The following TELO2 variants were observed in gnomAD, a reference collection of about 807,000 sequenced individuals.
The protein encoded by TELO2 is telomere maintenance 2, also known as telomere length regulation protein TEL2 homolog.
A neutral mutation model predicts 91.0 loss-of-function variants in TELO2; 71 were observed. That is an observed-to-expected ratio of 0.78 (90% CI 0.64 to 0.95). The LOEUF (loss-of-function observed/expected upper bound fraction) is 0.95, where lower values mean the gene tolerates loss of function less well. Among genes scored for constraint, TELO2 ranks in the 40% least tolerant of loss-of-function variants. The probability of loss-of-function intolerance (pLI) is 0.00; values close to 1 mark genes in which losing one functional copy is unlikely to be tolerated. For missense variants in TELO2, 1,183 were observed against 1,141.3 expected, an observed-to-expected ratio of 1.04 and a Z score of -0.53; for synonymous variants, 584 against 518.9, an observed-to-expected ratio of 1.13 and a Z score of -1.71.
chr16:1,502,989 T>G lies in TELO2; in HGVS notation c.1829T>G (p.Met610Arg). Residue 610 changes from methionine (M) to arginine (R), a missense_variant, in exon 15 of 21, where the codon ATG becomes AGG. By Grantham distance (91) the Met-to-Arg change is moderately conservative. Coordinates refer to ENST00000262319, the MANE Select transcript of TELO2 (RefSeq NM_016111.4). ...YALNYSLRQR[M>R]DILDVLTLAA... is the part of the protein sequence containing the mutation. ...CTCAACTACAGCCTCCGGCAGCGCA[T>G]GGACATCCTGGATGTAAGTGCCTCC... 2 of 1,610,718 alleles carry G rather than the reference T, an allele frequency of 1.2e-6. No homozygotes were observed. The highest frequency in any genetic ancestry group is 1.7e-6 in the Non-Finnish European group (2 of 1,179,990).
chr16:1,500,520 C>T (rs746078628), intron 8 of TELO2, 32 bp downstream of exon 8: 29 of 1,609,390 alleles, frequency 1.8e-5, no homozygotes, highest in Non-Finnish European at 2.1e-5. Flanking sequence ...CCCCCGGCCT[C>T]GGGCGCCCCG....
chr16:1,497,328 C>G lies in TELO2; in HGVS notation c.683-33C>G. On this transcript the variant is annotated intron_variant, in intron 4 of 20. Coordinates refer to ENST00000262319, the MANE Select transcript of TELO2 (RefSeq NM_016111.4). The surrounding 1 kb of genome is among the most constrained non-coding windows in gnomAD (Gnocchi z 4.0). The stretch of plus-strand genomic sequence containing the variant: ...CCCCAGACACCAGGTGGGTGCAGCT[C>G]CCCAGGCTCAGGTCCTCCGTCTGTC... 1 of 1,520,794 alleles carries G rather than the reference C, an allele frequency of 6.6e-7. No homozygotes were observed. The highest frequency in any genetic ancestry group is 8.9e-7 in the Non-Finnish European group (1 of 1,129,238). 94.2% of individuals were successfully genotyped at this position (1,520,794 alleles called of 1,614,324 possible).
chr16:1,495,373 G>A lies in TELO2; in HGVS notation c.363G>A (p.Ala121=), dbSNP rs746430058. ...CCAGCTTCCGGCTGATGAAGATGGC[G>A]CGGCTGCTGGCCAGATTCCTGCGCG... ...AGPSFRLMKM[A]RLLARFLREG... The change falls in exon 3 of 21, where the codon GCG becomes GCA. Residue 121 remains alanine, a synonymous_variant. Transcript: ENST00000262319. 3.7e-5 allele frequency: 57 copies of A among 1,560,494 alleles called. No individual in the cohort carries two copies. The highest frequency in any genetic ancestry group is 4.8e-5 in the East Asian group (2 of 41,714).
rs2039391586 is a variant in TELO2 at position 1,494,019 on chromosome 16, C to T, written c.-36-227C>T. Among the ~76,000 whole-genome samples, 1 of 152,192 alleles carries T rather than the reference C, an allele frequency of 6.6e-6. No homozygotes were observed. Among genetic ancestry groups the T allele is most frequent in the South Asian group, 2.1e-4 (1 of 4,832 alleles). ...GACAACTGAGAATGTTCCCTGGGCA[C>T]AGTGGCCCGGGTTGAGAAGCCCTGC... On this transcript the variant is annotated intron_variant, in intron 1 of 20. Coordinates refer to ENST00000262319, the MANE Select transcript of TELO2 (RefSeq NM_016111.4). This position sits in a 1 kb window ranked among gnomAD's most constrained non-coding sequence, Gnocchi z 5.6.
chr16:1,507,808 C>CGG (rs1356668633), intron 20 of TELO2, 92 bp downstream of exon 20: 19 of 1,015,330 alleles, frequency 1.9e-5, no homozygotes, highest in South Asian at 6.3e-5. Context: ...TGTGTCGGCC[C>CGG]GGGGTGTGTG....
chr16:1,507,475 C>A, intron 19 of TELO2, 105 bp downstream of exon 19: 1 of 1,512,256 alleles, frequency 6.6e-7, no homozygotes, highest in Admixed American at 1.9e-5. Flanking sequence ...GCAGCCTGGC[C>A]TGGTACTTCC....
Position 1,505,340 on chromosome 16 carries a change from G to A in TELO2, c.1843-70G>A, listed in dbSNP as rs1014687730. 6.5e-7 allele frequency: 1 copy of A among 1,533,814 alleles called. No individual in the cohort carries two copies. Among genetic ancestry groups the A allele is most frequent in the African/African-American group, 1.4e-5 (1 of 72,742 alleles). ...CCCCGGGCCCGTTTCTGGGGCTTTG[G>A]CTGACTTGACTCTTGGGAAATGTTC... On this transcript the variant is annotated intron_variant, in intron 15 of 20. Transcript: ENST00000262319. The surrounding 1 kb of genome is among the most constrained non-coding windows in gnomAD (Gnocchi z 4.3).
At chr16:1,501,810 A>G in intron 11 of TELO2, 37 bp downstream of exon 11, 15 of 1,585,848 alleles carry the variant, frequency 9.5e-6, no homozygotes, top group Non-Finnish European at 1.3e-5. Context: ...AGCGTGCAGG[A>G]GGCCGGGAGG....
intron 14 of TELO2, 68 bp downstream of exon 14, chr16:1,502,829 T>C: frequency 6.2e-7 from 1 of 1,601,248 alleles, no homozygotes; most frequent in Non-Finnish European, 8.5e-7. Context: ...CTGCGGTGCC[T>C]GAGTCTCGGT....
chr16:1,496,664 T>TGG (rs1350172876), intron 3 of TELO2, among the ~76,000 whole-genome samples: 2 of 152,090 alleles, frequency 1.3e-5, no homozygotes, highest in Non-Finnish European at 2.9e-5. Context: ...GCCGTGGTGG[T>TGG]GGTGCTGCTC....
chr16:1,506,319 C>A lies in TELO2; in HGVS notation c.2116C>A (p.Arg706Ser). The A allele has an allele frequency of 6.2e-7, 1 of 1,614,086 alleles. No individual in the cohort carries two copies. The highest frequency in any genetic ancestry group is 8.5e-7 in the Non-Finnish European group (1 of 1,180,014). ...AGHFFFPLLQ[R>S]FDRPLVTFDL... Reference sequence around the variant, plus strand: ...CCACTTCTTCTTCCCCCTCCTTCAGCGCTTTGACAGGTGAGTGGGTTTTCC... The same window carrying A: ...CCACTTCTTCTTCCCCCTCCTTCAGAGCTTTGACAGGTGAGTGGGTTTTCC... The change falls in exon 17 of 21, where the codon CGC (arginine) becomes AGC (serine). Residue 706 changes from arginine to serine, a missense_variant. By Grantham distance (110) the Arg-to-Ser change is moderately radical (BLOSUM62 -1). Coordinates refer to ENST00000262319, the MANE Select transcript of TELO2 (RefSeq NM_016111.4).
chr16:1,507,191 CG>C, intron 18 of TELO2, 114 bp from the exon 19 acceptor site: 1 of 1,497,718 alleles, frequency 6.7e-7, no homozygotes. Context: ...AGCATCCCCT[CG>C]GCTGTCAGGC....
At position 1,501,379 on chromosome 16, in the gene TELO2, G is replaced by A. The variant is rs200811651; in HGVS notation, c.1282-41G>A. On this transcript the variant is annotated intron_variant, in intron 9 of 20. Coordinates refer to ENST00000262319, the MANE Select transcript of TELO2 (RefSeq NM_016111.4). Reference sequence around the variant, plus strand: ...TGGCTCCGTCTCGGGGAGGGGCGCTGCAGCCTGGCGGATGCCGCTGAGCCT... The same window carrying A: ...TGGCTCCGTCTCGGGGAGGGGCGCTACAGCCTGGCGGATGCCGCTGAGCCT... 3,324 of 1,595,244 alleles carry A rather than the reference G, an allele frequency of 2.1e-3. 10 individuals carry two copies. The highest frequency in any genetic ancestry group is 2.7e-3 in the Non-Finnish European group (3,172 of 1,171,872).
chr16:1,509,857 A>G lies in TELO2; in HGVS notation c.2435A>G (p.Asp812Gly). The G allele has an allele frequency of 1.9e-6, 3 of 1,612,562 alleles. No homozygotes were observed. Among genetic ancestry groups the G allele is most frequent in the Non-Finnish European group, 2.5e-6 (3 of 1,179,738 alleles). The change falls in exon 21 of 21, where the codon GAC becomes GGC. Residue 812 changes from aspartate to glycine, a missense_variant. Physicochemically the swap from Asp to Gly is moderately conservative, Grantham distance 94 (BLOSUM62 -1). Coordinates refer to ENST00000262319, the MANE Select transcript of TELO2 (RefSeq NM_016111.4). The part of the protein sequence containing the change: ...ADVAEKDPDE[D>G]CRTLALRALL... ...GTGGCTGAGAAAGACCCGGACGAGG[A>G]CTGCAGGACGCTGGCACTGAGGGCC...
chr16:1,502,158 C>G, intron 12 of TELO2, 23 bp downstream of exon 12: 1 of 1,611,750 alleles, frequency 6.2e-7, no homozygotes, highest in East Asian at 2.2e-5. Flanking sequence ...CCCTGGAGGG[C>G]CTTGCTGGGC....
intron 3 of TELO2, among the ~76,000 whole-genome samples, 198 bp downstream of exon 3, chr16:1,495,821 C>G (rs2039471152): frequency 6.6e-6 from 1 of 152,258 alleles, no homozygotes; most frequent in African/African-American, 2.4e-5. Context: ...CTGCCCTCCA[C>G]GCGGGCTTCT....
intron 12 of TELO2, 37 bp from the exon 13 acceptor site, chr16:1,502,276 G>A (rs1032777483): frequency 3.9e-5 from 61 of 1,573,670 alleles, no homozygotes; most frequent in Non-Finnish European, 5.1e-5. Flanking sequence ...CAGGGTCAGG[G>A]CTGAGGCTGA....
chr16:1,510,335 C>T lies in TELO2; in HGVS notation c.*399C>T, dbSNP rs913154110. The T allele has an allele frequency of 8.3e-5, 20 of 241,588 alleles. No homozygotes were observed. The highest frequency in any genetic ancestry group is 1.6e-4 in the South Asian group (3 of 18,696). The allele number at this position is 241,588 out of a possible 1,614,324, so 15.0% of individuals were successfully genotyped here. A position where few individuals can be genotyped will look rare whatever the true frequency, so the allele number is the denominator to read the frequency against. On this transcript the variant is annotated 3_prime_UTR_variant, in exon 21 of 21. Transcript: ENST00000262319. ...CTTGTCCCAGGTCCCTCGGGCTGAG[C>T]GCCGTGTCACCAGGAGAATAGTGCT...
Position 1,502,760 on chromosome 16 carries a change from C to T in TELO2, c.1769C>T (p.Pro590Leu), listed in dbSNP as rs74466211. 29,610 of 1,611,450 alleles carry T rather than the reference C, an allele frequency of 0.018. 3,177 individuals carry two copies. In the Admixed American group the frequency reaches 0.24, roughly 13 times the overall value. The change falls in exon 14 of 21, where the codon CCG becomes CTG. Residue 590 changes from proline to leucine, a missense_variant and splice_region_variant. Pro to Leu is a moderately conservative substitution (Grantham distance 98, BLOSUM62 -3). Transcript: ENST00000262319. ...LVAVTVTDPAPVADYLTSQFY... is the reference protein window; with the variant it reads ...LVAVTVTDPALVADYLTSQFY... ...GCCGTCACGGTCACAGACCCGGCCC[C>T]GGTGAGTTCCCGCACCCGTGGCCCT...
Sources: gnomAD v4.1 joint callset for allele counts (sites outside exome capture counted in the v4.1 genomes callset) on GRCh38, gnomAD v4.1.1 for gene constraint, Gnocchi (gnomAD v3.1) non-coding constraint, MANE v1.5 for transcripts, NCBI Gene and HGNC (gene_info 2026-07-23, HGNC 2026-07-21) for gene names.